Variants in PTPRD observed in about 807,000 individuals in gnomAD.
PTPRD encodes receptor-type tyrosine-protein phosphatase delta.
Under a neutral mutation model 214.5 loss-of-function variants are expected in PTPRD, and 34 were observed. The ratio of observed to expected loss-of-function variants is 0.16; its 90% CI spans 0.12 to 0.21. PTPRD has a LOEUF of 0.21. Ranked by LOEUF, PTPRD falls within the 10% of genes least tolerant of loss-of-function variation. PTPRD has a pLI of 1.00. For missense variants in PTPRD, 2,545 were observed against 2,398.7 expected, an observed-to-expected ratio of 1.06 and a Z score of -1.27; for synonymous variants, 1,128 against 845.7, an observed-to-expected ratio of 1.33 and a Z score of -5.79.
At chr9:8,928,687 T>C (rs2098922332) in intron 11 of PTPRD, among the ~76,000 whole-genome samples, 1 of 152,162 alleles carries the variant, frequency 6.6e-6, no homozygotes, top group South Asian at 2.1e-4. Flanking sequence ...CTTTTTTTGT[T>C]CCATATGAAA....
chr9:8,595,608 G>C (rs2094437066), intron 14 of PTPRD, among the ~76,000 whole-genome samples: 1 of 152,152 alleles, frequency 6.6e-6, no homozygotes, highest in Non-Finnish European at 1.5e-5. Context: ...AGAGCATCAA[G>C]ATAAACTCTT....
At chr9:8,828,788 A>T (rs2097223431) in intron 11 of PTPRD, among the ~76,000 whole-genome samples, 1 of 152,190 alleles carries the variant, frequency 6.6e-6, no homozygotes, top group African/African-American at 2.4e-5. Flanking sequence ...TAACTTTGCA[A>T]CAGAATAACA....
At chr9:10,206,233 A>T (rs754089704) in intron 3 of PTPRD, among the ~76,000 whole-genome samples, 4 of 152,182 alleles carry the variant, frequency 2.6e-5, no homozygotes, top group Non-Finnish European at 5.9e-5. Context: ...AAACTCAAAG[A>T]GGCTTAGTTT....
intron 11 of PTPRD, among the ~76,000 whole-genome samples, chr9:8,791,367 A>G (rs1404856208): frequency 6.6e-6 from 1 of 151,876 alleles, no homozygotes; most frequent in African/African-American, 2.4e-5. Flanking sequence ...CTGGGATTAC[A>G]GGCGCACACC....
intron 4 of PTPRD, among the ~76,000 whole-genome samples, chr9:9,942,302 G>T (rs1189171003): frequency 6.6e-6 from 1 of 151,962 alleles, no homozygotes; most frequent in Non-Finnish European, 1.5e-5. Context: ...AGTTAGGTGG[G>T]CATTATATCA....
At chr9:10,093,269 T>C (rs1349345886) in intron 3 of PTPRD, among the ~76,000 whole-genome samples, 1 of 150,796 alleles carries the variant, frequency 6.6e-6, no homozygotes, top group East Asian at 2.0e-4. Flanking sequence ...ATAATCAAAT[T>C]AAAAAATGAG....
intron 12 of PTPRD, among the ~76,000 whole-genome samples, chr9:8,645,583 G>A (rs75554334): frequency 0.11 from 16,920 of 151,730 alleles, 994 homozygotes; most frequent in Middle Eastern, 0.17. Context: ...GCCTCTGTAT[G>A]ACTACCAATA....
At chr9:10,012,082 CAT>C (rs1177572506) in intron 4 of PTPRD, among the ~76,000 whole-genome samples, 2 of 151,896 alleles carry the variant, frequency 1.3e-5, no homozygotes, top group African/African-American at 4.8e-5. Context: ...AAAGTACTAA[CAT>C]ATGTAAGAAT....
chr9:8,451,139 G>T (rs994882464), intron 33 of PTPRD, among the ~76,000 whole-genome samples: 3 of 152,174 alleles, frequency 2.0e-5, no homozygotes, highest in Non-Finnish European at 2.9e-5. Flanking sequence ...TAACCAGGGG[G>T]TGAAGAGAAG....
At chr9:8,999,633 C>A (rs534927428) in intron 11 of PTPRD, among the ~76,000 whole-genome samples, 1 of 151,984 alleles carries the variant, frequency 6.6e-6, no homozygotes, top group East Asian at 1.9e-4. Context: ...CCGAGGTATG[C>A]TTTTAAAAAT....
intron 8 of PTPRD, among the ~76,000 whole-genome samples, chr9:9,444,079 T>G (rs1344605636): frequency 6.6e-6 from 1 of 152,210 alleles, no homozygotes; most frequent in Non-Finnish European, 1.5e-5. Context: ...TCATCCTGTT[T>G]GGCCAAACAC....
chr9:10,150,524 G>T (rs1254165861), intron 3 of PTPRD, among the ~76,000 whole-genome samples: 2 of 151,976 alleles, frequency 1.3e-5, no homozygotes, highest in Non-Finnish European at 2.9e-5. Context: ...GGCAGGAGGA[G>T]GGGGGAGGGA....
chr9:8,611,811 G>A (rs2095459785), intron 14 of PTPRD, among the ~76,000 whole-genome samples: 1 of 149,632 alleles, frequency 6.7e-6, no homozygotes, highest in Non-Finnish European at 1.5e-5. Flanking sequence ...AAAAAGAGGA[G>A]AGGAGAAGAG....
intron 17 of PTPRD, 74 bp from the exon 18 acceptor site, chr9:8,525,109 T>A: frequency 7.8e-7 from 1 of 1,282,198 alleles, no homozygotes; most frequent in Non-Finnish European, 1.1e-6. Context: ...CTAAACCTCT[T>A]AACAATATGA....
In PTPRD at chr9:9,259,579, G is replaced by A. The variant is rs142572718; in HGVS notation, c.-202-76216C>T. Among the ~76,000 whole-genome samples, 394 of 152,020 alleles carry A rather than the reference G, an allele frequency of 2.6e-3. 2 individuals are homozygous for A. The highest frequency in any genetic ancestry group is 4.5e-3 in the Non-Finnish European group (303 of 67,912). On this transcript the variant is annotated intron_variant, in intron 9 of 45. Transcript: ENST00000381196. ...TAACCAAATTAAAGGAAGTACATCTGATTTGAAGTATGTCATTGAACACTA... is the reference window on the plus strand; with the variant it reads ...TAACCAAATTAAAGGAAGTACATCTAATTTGAAGTATGTCATTGAACACTA...
chr9:10,484,349 T>C (rs1456171428), intron 2 of PTPRD, among the ~76,000 whole-genome samples: 1 of 152,070 alleles, frequency 6.6e-6, no homozygotes, highest in Non-Finnish European at 1.5e-5. Context: ...CAACATATAC[T>C]ATGTGGGTTA....
chr9:9,818,943 G>A (rs111592494), intron 5 of PTPRD, among the ~76,000 whole-genome samples: 6 of 147,966 alleles, frequency 4.1e-5, no homozygotes, highest in African/African-American at 1.2e-4. Context: ...AAAAAAGTTC[G>A]TATGTATGTC....
intron 11 of PTPRD, among the ~76,000 whole-genome samples, chr9:8,983,148 A>T (rs2099322091): frequency 6.6e-6 from 1 of 152,048 alleles, no homozygotes; most frequent in South Asian, 2.1e-4. Context: ...GTGGCTTTTC[A>T]TCACACTAGT....
intron 5 of PTPRD, among the ~76,000 whole-genome samples, chr9:9,890,428 G>C (rs1017895172): frequency 1.3e-5 from 2 of 151,882 alleles, no homozygotes; most frequent in Admixed American, 1.3e-4. Context: ...TGAACTCCTA[G>C]ACTCAAGCAA....
Sources: allele counts gnomAD v4.1 joint callset (sites outside exome capture counted in the v4.1 genomes callset), GRCh38; gene constraint gnomAD v4.1.1; transcripts MANE v1.5; gene names NCBI Gene and HGNC (gene_info 2026-07-23, HGNC 2026-07-21).